Variants in SLC24A3 observed in about 807,000 individuals in gnomAD.
SLC24A3 encodes the protein sodium/potassium/calcium exchanger 3.
In SLC24A3, 28 loss-of-function variants were observed where a neutral mutation model predicts 75.8. The ratio of observed to expected loss-of-function variants is 0.37; its 90% confidence interval spans 0.27 to 0.51. The LOEUF is 0.51. Among genes scored for constraint, SLC24A3 ranks in the 20% least tolerant of loss-of-function variants. SLC24A3 has a pLI of 0.94. For synonymous variants in SLC24A3, 372 were observed against 334.1 expected (o/e 1.11, Z -1.24); for missense variants, 663 against 847.8 (o/e 0.78, Z 2.71).
intron 2 of SLC24A3, among the ~76,000 whole-genome samples, chr20:19,405,555 C>T (rs1055848291): frequency 2.0e-5 from 3 of 152,300 alleles, no homozygotes; most frequent in South Asian, 2.1e-4. Context: ...GGCAGAATAG[C>T]GACTTGGGTT....
chr20:19,622,349 A>G (rs1369524731), intron 6 of SLC24A3, among the ~76,000 whole-genome samples: 1 of 152,132 alleles, frequency 6.6e-6, no homozygotes, highest in African/African-American at 2.4e-5. Context: ...GAAGGAGAAA[A>G]CCAAGATATT....
intron 3 of SLC24A3, among the ~76,000 whole-genome samples, chr20:19,571,001 G>A (rs564809482): frequency 1.2e-4 from 19 of 152,224 alleles, no homozygotes; most frequent in African/African-American, 2.6e-4. Flanking sequence ...AGCTGTAGAC[G>A]TTCCTCAAGT....
intron 1 of SLC24A3, among the ~76,000 whole-genome samples, chr20:19,273,099 C>T (rs1465913409): frequency 6.6e-6 from 1 of 152,212 alleles, no homozygotes; most frequent in Admixed American, 6.5e-5. Flanking sequence ...GTTTGGACTT[C>T]TGGCTCAGGG....
chr20:19,333,734 G>A (rs1190084320), intron 2 of SLC24A3, among the ~76,000 whole-genome samples: 3 of 151,552 alleles, frequency 2.0e-5, no homozygotes, highest in African/African-American at 4.9e-5. Flanking sequence ...GACTGAACAC[G>A]GTAATTCTGA....
intron 1 of SLC24A3, among the ~76,000 whole-genome samples, chr20:19,224,521 G>T (rs2122137839): frequency 6.6e-6 from 1 of 152,214 alleles, no homozygotes; most frequent in African/African-American, 2.4e-5. Context: ...GGCCATGCAT[G>T]GCTTGTTAAC....
chr20:19,473,695 A>G (rs1480465729), intron 2 of SLC24A3, among the ~76,000 whole-genome samples: 1 of 152,200 alleles, frequency 6.6e-6, no homozygotes, highest in Non-Finnish European at 1.5e-5. Context: ...TGTGTAGTTC[A>G]TACCAGACTC....
chr20:19,424,759 A>AC (rs1986975677), intron 2 of SLC24A3, among the ~76,000 whole-genome samples: 2 of 124,574 alleles, frequency 1.6e-5, no homozygotes, highest in South Asian at 2.7e-4. Flanking sequence ...AAAAAAAAAA[A>AC]AAAAAAAAAA....
chr20:19,388,665 T>C (rs1175860603), intron 2 of SLC24A3, among the ~76,000 whole-genome samples: 1 of 152,234 alleles, frequency 6.6e-6, no homozygotes, highest in African/African-American at 2.4e-5. Context: ...TGAGCCGAGA[T>C]TGGGCCACTG....
chr20:19,389,244 A>G (rs924882387), intron 2 of SLC24A3, among the ~76,000 whole-genome samples: 1 of 152,192 alleles, frequency 6.6e-6, no homozygotes, highest in Non-Finnish European at 1.5e-5. Flanking sequence ...CACTGGAACT[A>G]AAAGTGATTT....
intron 2 of SLC24A3, among the ~76,000 whole-genome samples, chr20:19,399,438 A>T (rs995423710): frequency 6.6e-6 from 1 of 152,116 alleles, no homozygotes; most frequent in Non-Finnish European, 1.5e-5. Flanking sequence ...TTGATATGGT[A>T]TGTTTTTATT....
intron 2 of SLC24A3, among the ~76,000 whole-genome samples, chr20:19,318,179 G>T (rs2122271963): frequency 6.6e-6 from 1 of 152,272 alleles, no homozygotes; most frequent in Admixed American, 6.5e-5. Flanking sequence ...GTAGGATTAT[G>T]CTCCACTTGC....
chr20:19,266,173 A>G (rs1983160548), intron 1 of SLC24A3, among the ~76,000 whole-genome samples: 1 of 152,238 alleles, frequency 6.6e-6, no homozygotes, highest in African/African-American at 2.4e-5. Context: ...TGATGTCATC[A>G]GGAAGCTTAT....
At chr20:19,520,952 C>G (rs1311362753) in intron 3 of SLC24A3, among the ~76,000 whole-genome samples, 9 of 152,172 alleles carry the variant, frequency 5.9e-5, no homozygotes, top group Admixed American at 2.6e-4. Flanking sequence ...TGGAGGGCAG[C>G]CTTTGATATA....
chr20:19,248,744 A>G (rs937001382), intron 1 of SLC24A3, among the ~76,000 whole-genome samples: 1 of 152,056 alleles, frequency 6.6e-6, no homozygotes, highest in African/African-American at 2.4e-5. Flanking sequence ...TACGGCAGCA[A>G]CCAAAGCGTC....
In SLC24A3 at chr20:19,381,633, G is replaced by C. The variant is rs949982650; in HGVS notation, c.271+100546G>C. 2.6e-5 allele frequency among the ~76,000 whole-genome samples: 4 copies of C among 152,188 alleles called. No homozygotes were observed. In the South Asian group the frequency reaches 8.3e-4, roughly 32 times the overall value. ...GGAGTGACCCCTCTTCCAGGAGAAGGAGATGAGCAGCTCTGATAGAGTAGC... is the reference window on the plus strand; with the variant it reads ...GGAGTGACCCCTCTTCCAGGAGAAGCAGATGAGCAGCTCTGATAGAGTAGC... On this transcript the variant is annotated intron_variant, in intron 2 of 16. Transcript: ENST00000328041.
chr20:19,553,556 A>C (rs1306939151), intron 3 of SLC24A3, among the ~76,000 whole-genome samples: 1 of 152,166 alleles, frequency 6.6e-6, no homozygotes, highest in Non-Finnish European at 1.5e-5. Context: ...CATGTCTTTC[A>C]TATGATGAAA....
intron 2 of SLC24A3, among the ~76,000 whole-genome samples, chr20:19,347,674 T>C (rs1336170139): frequency 1.3e-5 from 2 of 152,222 alleles, no homozygotes; most frequent in African/African-American, 4.8e-5. Flanking sequence ...AAATGAGTTC[T>C]GTTTGAAAGA....
chr20:19,239,391 C>T (rs888924073), intron 1 of SLC24A3, among the ~76,000 whole-genome samples: 1 of 152,192 alleles, frequency 6.6e-6, no homozygotes, highest in Non-Finnish European at 1.5e-5. Flanking sequence ...TCCAGGCACC[C>T]CCAAGGCTGT....
At chr20:19,251,201 T>G (rs875880) in intron 1 of SLC24A3, among the ~76,000 whole-genome samples, 23,755 of 152,058 alleles carry the variant, frequency 0.16, 3,470 homozygotes, top group East Asian at 0.81. Flanking sequence ...GATTTTAGGG[T>G]AGCACTGATA....
Sources: gnomAD v4.1 joint callset for allele counts (sites outside exome capture counted in the v4.1 genomes callset) on GRCh38, gnomAD v4.1.1 for gene constraint, MANE v1.5 for transcripts, NCBI Gene and HGNC (gene_info 2026-07-23, HGNC 2026-07-21) for gene names.